UNC5B: variants seen among roughly 807,000 people sequenced by gnomAD.
UNC5B encodes unc-5 netrin receptor B, also known as netrin receptor UNC5B.
A neutral mutation model predicts 103.7 loss-of-function variants in UNC5B; 56 were observed. That is an observed-to-expected ratio of 0.54 (90% CI 0.44 to 0.67). The LOEUF is 0.67. Among genes scored for constraint, UNC5B ranks in the 30% least tolerant of loss-of-function variants. The pLI is 0.00. For missense variants in UNC5B, 1,194 were observed against 1,284.5 expected (o/e 0.93, Z 1.08); for synonymous variants, 577 against 542.0 (o/e 1.06, Z -0.90).
At chr10:71,239,132 A>C (rs1194925739) in intron 1 of UNC5B, among the ~76,000 whole-genome samples, 4 of 152,182 alleles carry the variant, frequency 2.6e-5, no homozygotes, top group Non-Finnish European at 4.4e-5. Context: ...CCACAGTGCC[A>C]GTGACCCAGG....
intron 1 of UNC5B, among the ~76,000 whole-genome samples, chr10:71,261,406 A>G (rs947102370): frequency 2.0e-5 from 3 of 152,194 alleles, no homozygotes; most frequent in African/African-American, 7.2e-5. Context: ...GATTGACTCT[A>G]TAGCCCTTGC....
At chr10:71,246,858 G>A (rs777206581) in intron 1 of UNC5B, among the ~76,000 whole-genome samples, 1 of 152,188 alleles carries the variant, frequency 6.6e-6, no homozygotes, top group Non-Finnish European at 1.5e-5. Context: ...CTCCCTCTGG[G>A]GCGACCACTT....
At chr10:71,254,227 C>A (rs1312572550) in intron 1 of UNC5B, among the ~76,000 whole-genome samples, 1 of 152,212 alleles carries the variant, frequency 6.6e-6, no homozygotes, top group East Asian at 1.9e-4. Flanking sequence ...GGGTTTTGTG[C>A]CCTACTGGGG....
intron 1 of UNC5B, among the ~76,000 whole-genome samples, chr10:71,227,629 C>T (rs60247380): frequency 7.1e-5 from 10 of 140,486 alleles, no homozygotes; most frequent in African/African-American, 2.8e-4. Context: ...TACATATATA[C>T]ATATATATAC....
At position 71,285,417 on chromosome 10, in the gene UNC5B, G is replaced by A. The variant is rs1033411650; in HGVS notation, c.540G>A (p.Val180=). The stretch of plus-strand genomic sequence containing the variant: ...TGCAGTGCCGCCCGCCGGAGGGGGT[G>A]CCTGTGGCCGAGGTGAGCGGGGACG... The part of the protein sequence containing the change: ...VLLQCRPPEG[V]PVAEVEWLKN... Residue 180 remains valine (V), a synonymous_variant, in exon 4 of 17, where the codon GTG becomes GTA. Transcript: ENST00000335350. 1.1e-5 allele frequency: 18 copies of A among 1,599,938 alleles called. No individual in the cohort carries two copies. In the African/African-American group the frequency reaches 1.9e-4, roughly 17 times the overall value.
intron 1 of UNC5B, among the ~76,000 whole-genome samples, chr10:71,240,873 G>A (rs1843883987): frequency 6.6e-6 from 1 of 152,242 alleles, no homozygotes; most frequent in African/African-American, 2.4e-5. Flanking sequence ...GTCCCCAAGG[G>A]CCAAGAAGAA....
intron 1 of UNC5B, among the ~76,000 whole-genome samples, chr10:71,231,093 C>CTAA (rs1843672813): frequency 6.6e-6 from 1 of 152,196 alleles, no homozygotes; most frequent in African/African-American, 2.4e-5. Flanking sequence ...GGGGGTTGGA[C>CTAA]TAGTGAACCA....
intron 4 of UNC5B, 100 bp downstream of exon 4, chr10:71,285,529 C>A: frequency 9.9e-7 from 1 of 1,006,576 alleles, no homozygotes; most frequent in Non-Finnish European, 1.4e-6. Context: ...GCTAGTCTCC[C>A]AGAGCCCTGC....
chr10:71,299,276 G>A lies in UNC5B; in HGVS notation c.2837G>A (p.Ter946=), dbSNP rs770194606. The A allele has an allele frequency of 6.2e-7, 1 of 1,613,882 alleles. No homozygotes were observed. Among genetic ancestry groups the A allele is most frequent in the South Asian group, 1.1e-5 (1 of 91,072 alleles). Residue 946 remains the stop codon, a stop_retained_variant, in exon 17 of 17, where the codon TGA becomes TAA. Transcript: ENST00000335350. ...LVAVATDGDC[*] Reference sequence around the variant, plus strand: ...GCTGTGGCCACCGACGGGGACTGCTGAGCCTCCTGGGACAGCGGGCTGGCA... The same window carrying A: ...GCTGTGGCCACCGACGGGGACTGCTAAGCCTCCTGGGACAGCGGGCTGGCA...
At chr10:71,280,538 G>T (rs949583190) in intron 2 of UNC5B, among the ~76,000 whole-genome samples, 3 of 152,252 alleles carry the variant, frequency 2.0e-5, no homozygotes, top group Non-Finnish European at 4.4e-5. Flanking sequence ...ATAGTATTAA[G>T]TAAATAACCA....
At chr10:71,282,739 C>T (rs1451685076) in intron 2 of UNC5B, among the ~76,000 whole-genome samples, 1 of 152,184 alleles carries the variant, frequency 6.6e-6, no homozygotes, top group Non-Finnish European at 1.5e-5. Context: ...GGGGCTGTCC[C>T]CCATCTGGAC....
intron 1 of UNC5B, among the ~76,000 whole-genome samples, chr10:71,231,631 A>G (rs1843685842): frequency 6.6e-6 from 1 of 151,816 alleles, no homozygotes; most frequent in South Asian, 2.1e-4. Context: ...CCACAATCGT[A>G]CGTAAAAATC....
intron 1 of UNC5B, among the ~76,000 whole-genome samples, chr10:71,228,263 T>A (rs781500167): frequency 6.6e-6 from 1 of 152,164 alleles, no homozygotes; most frequent in South Asian, 2.1e-4. Flanking sequence ...AATGAAAACA[T>A]GGGTAAATTC....
chr10:71,288,672 C>A lies in UNC5B; in HGVS notation c.1006C>A (p.Arg336Ser), dbSNP rs1473730858. The part of the protein sequence containing the change: ...CMAPPPQNGG[R>S]DCSGTLLDSK... ...GGCGCCCCCACCCCAGAACGGAGGC[C>A]GTGACTGCAGCGGGACGCTGCTCGA... The change falls in exon 7 of 17, where the codon CGT becomes AGT. Residue 336 changes from arginine to serine, a missense_variant. Coordinates refer to ENST00000335350, the MANE Select transcript of UNC5B (RefSeq NM_170744.5). The A allele has an allele frequency of 1.2e-6, 2 of 1,613,412 alleles. No homozygotes were observed. The highest frequency in any genetic ancestry group is 8.5e-7 in the Non-Finnish European group (1 of 1,179,964).
intron 1 of UNC5B, among the ~76,000 whole-genome samples, chr10:71,252,714 A>G (rs1844201011): frequency 6.6e-6 from 1 of 152,220 alleles, no homozygotes; most frequent in Admixed American, 6.5e-5. Flanking sequence ...TGATTTGCCC[A>G]AGGCCAGACC....
chr10:71,284,333 A>C (rs1251702273), intron 2 of UNC5B, among the ~76,000 whole-genome samples: 1 of 152,138 alleles, frequency 6.6e-6, no homozygotes, highest in African/African-American at 2.4e-5. Context: ...ACACCCGGTG[A>C]GGCTGCAGTG....
chr10:71,252,039 TAA>T (rs2132271357), intron 1 of UNC5B, among the ~76,000 whole-genome samples: 1 of 142,796 alleles, frequency 7.0e-6, no homozygotes, highest in East Asian at 2.1e-4. Context: ...GGGTTAAAAA[TAA>T]GTGTCACATA....
chr10:71,217,668 G>A (rs1368604665), intron 1 of UNC5B: 1 of 152,416 alleles, frequency 6.6e-6, no homozygotes, highest in East Asian at 1.9e-4. Flanking sequence ...CTGAAGTGCA[G>A]GCATAAATCA....
At chr10:71,259,998 A>G (rs1490508247) in intron 1 of UNC5B, among the ~76,000 whole-genome samples, 4 of 152,186 alleles carry the variant, frequency 2.6e-5, no homozygotes, top group African/African-American at 9.7e-5. Context: ...TGGAGCCTCT[A>G]GGGGACAAAC....
Sources: gnomAD v4.1 joint callset for allele counts (sites outside exome capture counted in the v4.1 genomes callset) on GRCh38, gnomAD v4.1.1 for gene constraint, MANE v1.5 for transcripts, NCBI Gene and HGNC (gene_info 2026-07-23, HGNC 2026-07-21) for gene names.